HS6ST3: variants seen among roughly 807,000 people sequenced by gnomAD.
HS6ST3 encodes the protein heparan-sulfate 6-O-sulfotransferase 3.
Under a neutral mutation model 36.7 loss-of-function variants are expected in HS6ST3, and 12 were observed. The ratio of observed to expected loss-of-function variants is 0.33; its 90% CI spans 0.21 to 0.53. The LOEUF is 0.53. Ranked by LOEUF, HS6ST3 falls within the 20% of genes least tolerant of loss-of-function variation. HS6ST3 has a pLI of 0.95. For missense variants in HS6ST3, 584 were observed against 640.9 expected (o/e 0.91, Z 0.96); for synonymous variants, 240 against 257.5 (o/e 0.93, Z 0.65).
rs150044833 is a variant in HS6ST3, at chr13:96,177,109, G to T, written c.707+85540G>T. On this transcript the variant is annotated intron_variant, in intron 1 of 1. Coordinates refer to ENST00000376705, the MANE Select transcript of HS6ST3 (RefSeq NM_153456.4). ...CAGTCAGAATGGCTATTATTAAAAAGTTGAAAAATAACAGATGCGGGTGAG... is the reference window on the plus strand; with the variant it reads ...CAGTCAGAATGGCTATTATTAAAAATTTGAAAAATAACAGATGCGGGTGAG... 3.8e-3 allele frequency among the ~76,000 whole-genome samples: 571 copies of T among 152,248 alleles called. 6 individuals are homozygous for T. The highest frequency in any genetic ancestry group is 0.013 in the African/African-American group (545 of 41,550).
At chr13:96,686,864 T>C (rs1357883129) in intron 1 of HS6ST3, among the ~76,000 whole-genome samples, 1 of 152,052 alleles carries the variant, frequency 6.6e-6, no homozygotes, top group African/African-American at 2.4e-5. Flanking sequence ...TTATTACACA[T>C]CTGTTATCTA....
At chr13:96,550,339 C>T (rs7999519) in intron 1 of HS6ST3, among the ~76,000 whole-genome samples, 12,809 of 152,148 alleles carry the variant, frequency 0.084, 983 homozygotes, top group African/African-American at 0.2. Context: ...ACATGCCTGC[C>T]CCTCCTCCAC....
At chr13:96,275,182 A>G (rs1001437164) in intron 1 of HS6ST3, among the ~76,000 whole-genome samples, 1 of 152,218 alleles carries the variant, frequency 6.6e-6, no homozygotes, top group African/African-American at 2.4e-5. Context: ...CTTCAGGGTC[A>G]ACATGACGAT....
intron 1 of HS6ST3, among the ~76,000 whole-genome samples, chr13:96,431,177 C>T (rs1250138762): frequency 6.6e-6 from 1 of 152,008 alleles, no homozygotes; most frequent in South Asian, 2.1e-4. Flanking sequence ...GCGCTCCAGC[C>T]TGGGAGACAG....
intron 1 of HS6ST3, among the ~76,000 whole-genome samples, chr13:96,138,019 C>G (rs1162736220): frequency 6.6e-6 from 1 of 152,116 alleles, no homozygotes; most frequent in Non-Finnish European, 1.5e-5. Context: ...GTAATGATAG[C>G]AATTAACAGT....
chr13:96,690,926 G>A lies in HS6ST3; in HGVS notation c.708-141564G>A, dbSNP rs561629975. Among the ~76,000 whole-genome samples the A allele has an allele frequency of 8.5e-5, 13 of 152,126 alleles. No individual in the cohort carries two copies. In the East Asian group the frequency reaches 2.5e-3, roughly 29 times the overall value. The stretch of plus-strand genomic sequence containing the variant: ...ATGCGTACCTAATAAATTATTTATA[G>A]AGAAACATAAAATGTCAAGTGTCTA... On this transcript the variant is annotated intron_variant, in intron 1 of 1. Transcript: ENST00000376705.
At chr13:96,648,359 G>A (rs1199566195) in intron 1 of HS6ST3, among the ~76,000 whole-genome samples, 1 of 151,902 alleles carries the variant, frequency 6.6e-6, no homozygotes, top group Non-Finnish European at 1.5e-5. Flanking sequence ...CCAATCTCTT[G>A]AGTGCCTCTG....
At chr13:96,127,331 A>G (rs2053956757) in intron 1 of HS6ST3, among the ~76,000 whole-genome samples, 1 of 152,194 alleles carries the variant, frequency 6.6e-6, no homozygotes, top group South Asian at 2.1e-4. Flanking sequence ...TTTTGGGATT[A>G]AACTGCCCCA....
Position 96,794,250 on chromosome 13 carries a change from A to T in HS6ST3, c.708-38240A>T, listed in dbSNP as rs560236239. ...AATCCCTGATCACTGATTAAACAGT[A>T]AAACTTTAAGACACTCACCTTCTAT... On this transcript the variant is annotated intron_variant, in intron 1 of 1. Transcript: ENST00000376705. 7.2e-5 allele frequency among the ~76,000 whole-genome samples: 11 copies of T among 152,218 alleles called. No individual in the cohort carries two copies. The South Asian group carries it at 2.3e-3, about 32-fold the overall frequency.
At chr13:96,750,597 C>G (rs149820947) in intron 1 of HS6ST3, among the ~76,000 whole-genome samples, 1 of 152,184 alleles carries the variant, frequency 6.6e-6, no homozygotes, top group East Asian at 1.9e-4. Flanking sequence ...GCCTTTTGGC[C>G]AAAATAAAAT....
intron 1 of HS6ST3, among the ~76,000 whole-genome samples, chr13:96,605,538 C>A (rs374733739): frequency 6.6e-6 from 1 of 152,054 alleles, no homozygotes; most frequent in African/African-American, 2.4e-5. Context: ...ATACGATCAT[C>A]CACATCCATT....
intron 1 of HS6ST3, among the ~76,000 whole-genome samples, chr13:96,777,029 G>A (rs753073383): frequency 1.8e-4 from 27 of 152,166 alleles, no homozygotes; most frequent in Non-Finnish European, 3.4e-4. Context: ...ATGCAAGGCT[G>A]GTTTAACATA....
chr13:96,188,363 C>G (rs2054274184), intron 1 of HS6ST3, among the ~76,000 whole-genome samples: 1 of 151,930 alleles, frequency 6.6e-6, no homozygotes, highest in Non-Finnish European at 1.5e-5. Flanking sequence ...GCCTGTAATC[C>G]CAGCACTTTG....
chr13:96,234,113 AAG>A lies in HS6ST3; in HGVS notation c.707+142545_707+142546del, dbSNP rs1459155972. Among the ~76,000 whole-genome samples, 72 of 151,854 alleles carry A rather than the reference AAG, an allele frequency of 4.7e-4. 1 individual carries two copies. In the Middle Eastern group the frequency reaches 0.01, roughly 22 times the overall value. ...TTTTTCATCTGTTAAAAAAAAAAAA[AAG>A]GAAAGAAAAAGAAGCCAGGCATGGT... is the stretch of plus-strand genomic sequence containing the variant. On this transcript the variant is annotated intron_variant, in intron 1 of 1. Transcript: ENST00000376705.
At chr13:96,402,218 A>C (rs1384805243) in intron 1 of HS6ST3, among the ~76,000 whole-genome samples, 1 of 152,220 alleles carries the variant, frequency 6.6e-6, no homozygotes, top group Non-Finnish European at 1.5e-5. Flanking sequence ...GGATGTATAA[A>C]CTATGAGACC....
chr13:96,136,728 G>A (rs894591935), intron 1 of HS6ST3, among the ~76,000 whole-genome samples: 1 of 133,330 alleles, frequency 7.5e-6, no homozygotes, highest in Admixed American at 8.1e-5. Flanking sequence ...TAGTAAAATG[G>A]TTACTACAGT....
intron 1 of HS6ST3, among the ~76,000 whole-genome samples, chr13:96,638,669 G>A (rs1261501825): frequency 6.6e-6 from 1 of 151,872 alleles, no homozygotes; most frequent in Non-Finnish European, 1.5e-5. Context: ...AGAAGGACAT[G>A]TTTGCTTCCC....
At chr13:96,293,949 A>T (rs544302281) in intron 1 of HS6ST3, among the ~76,000 whole-genome samples, 17 of 152,144 alleles carry the variant, frequency 1.1e-4, no homozygotes, top group African/African-American at 4.1e-4. Flanking sequence ...TCACAGTTGC[A>T]TGGTGGTGGC....
intron 1 of HS6ST3, among the ~76,000 whole-genome samples, chr13:96,745,929 G>C (rs540030786): frequency 3.8e-4 from 58 of 152,064 alleles, no homozygotes; most frequent in Non-Finnish European, 7.5e-4. Flanking sequence ...GAAATACAAA[G>C]CCCAGGCAGT....
Sources: gnomAD v4.1 joint callset for allele counts (sites outside exome capture counted in the v4.1 genomes callset) on GRCh38, gnomAD v4.1.1 for gene constraint, MANE v1.5 for transcripts, NCBI Gene and HGNC (gene_info 2026-07-23, HGNC 2026-07-21) for gene names.